Variants in ELMO1 observed in about 807,000 individuals in gnomAD.
ELMO1 encodes engulfment and cell motility 1.
ELMO1 carries 26 observed loss-of-function variants against 98.9 expected under a neutral mutation model. The ratio of observed to expected loss-of-function variants is 0.26; its 90% CI spans 0.19 to 0.36. ELMO1 has a LOEUF of 0.36. ELMO1 is among the 10% of genes least tolerant of loss of function. ELMO1 has a pLI of 1.00. For missense variants in ELMO1, 627 were observed against 935.2 expected, an observed-to-expected ratio of 0.67 and a Z score of 4.30; for synonymous variants, 346 against 346.0, an observed-to-expected ratio of 1.00 and a Z score of 0.00.
intron 21 of ELMO1, among the ~76,000 whole-genome samples, chr7:36,860,707 A>G (rs139342502): frequency 1.9e-3 from 290 of 152,370 alleles, no homozygotes; most frequent in African/African-American, 6.8e-3. Flanking sequence ...AGAACACAGT[A>G]TCTATTTTCA....
chr7:36,961,751 A>G (rs538274882), intron 16 of ELMO1, among the ~76,000 whole-genome samples: 23 of 152,160 alleles, frequency 1.5e-4, no homozygotes, highest in Non-Finnish European at 2.1e-4. Flanking sequence ...ATTCTACTTG[A>G]AAAAAACAGT....
At chr7:36,952,399 C>T (rs1788040956) in intron 16 of ELMO1, among the ~76,000 whole-genome samples, 1 of 152,100 alleles carries the variant, frequency 6.6e-6, no homozygotes, top group Non-Finnish European at 1.5e-5. Context: ...TTAGTAAATG[C>T]CTCCAAGAGC....
intron 1 of ELMO1, among the ~76,000 whole-genome samples, chr7:37,384,472 G>A (rs140470652): frequency 2.2e-4 from 34 of 152,262 alleles, no homozygotes; most frequent in African/African-American, 7.9e-4. Context: ...TGTAATCCCA[G>A]CACTTTGGGA....
intron 13 of ELMO1, among the ~76,000 whole-genome samples, chr7:37,182,465 T>TAA (rs754897749): frequency 9.9e-6 from 1 of 100,536 alleles, no homozygotes; most frequent in Non-Finnish European, 1.9e-5. Flanking sequence ...TGCTCTACTT[T>TAA]TTTTTTTTTT....
intron 15 of ELMO1, among the ~76,000 whole-genome samples, chr7:37,079,431 TGTGG>T (rs1797746069): frequency 5.3e-5 from 8 of 152,352 alleles, no homozygotes; most frequent in Middle Eastern, 3.4e-3. Context: ...GCTTGAAGGC[TGTGG>T]TGATGTCAAA....
At chr7:37,283,867 C>CAT (rs1270152430) in intron 4 of ELMO1, among the ~76,000 whole-genome samples, 1 of 152,226 alleles carries the variant, frequency 6.6e-6, no homozygotes, top group Non-Finnish European at 1.5e-5. Context: ...CCTGTGGTGG[C>CAT]CATGCCCTCT....
At chr7:37,215,992 C>CTT (rs56397617) in intron 11 of ELMO1, among the ~76,000 whole-genome samples, 1 of 145,194 alleles carries the variant, frequency 6.9e-6, no homozygotes, top group Admixed American at 6.8e-5. Flanking sequence ...TCCTCTTTTC[C>CTT]TTTTTTTTTT....
At chr7:37,372,588 TTAA>T (rs1289581842) in intron 1 of ELMO1, among the ~76,000 whole-genome samples, 1 of 152,240 alleles carries the variant, frequency 6.6e-6, no homozygotes, top group Non-Finnish European at 1.5e-5. Context: ...TTATAGCAAT[TTAA>T]TAATGAGTGC....
intron 4 of ELMO1, among the ~76,000 whole-genome samples, chr7:37,288,990 G>A (rs1421033961): frequency 6.6e-6 from 1 of 152,048 alleles, no homozygotes; most frequent in Admixed American, 6.5e-5. Context: ...CTCTTACCTC[G>A]ATCTAAAATT....
chr7:37,134,528 C>T (rs1206336873), intron 13 of ELMO1, among the ~76,000 whole-genome samples: 2 of 144,352 alleles, frequency 1.4e-5, no homozygotes, highest in Non-Finnish European at 3.0e-5. Context: ...CATTGCACTC[C>T]AGCCTGGGCA....
intron 16 of ELMO1, among the ~76,000 whole-genome samples, chr7:36,967,798 C>T (rs1303223489): frequency 6.6e-6 from 1 of 152,126 alleles, no homozygotes. Context: ...ATATCTTCTC[C>T]CTCCACCTCT....
At chr7:37,191,157 C>G (rs1791548233) in intron 13 of ELMO1, among the ~76,000 whole-genome samples, 1 of 143,816 alleles carries the variant, frequency 7.0e-6, no homozygotes, top group Admixed American at 7.3e-5. Context: ...CCACTGCACT[C>G]CAGCCTGGGT....
At chr7:37,215,943 T>C (rs555445468) in intron 11 of ELMO1, among the ~76,000 whole-genome samples, 12 of 152,342 alleles carry the variant, frequency 7.9e-5, no homozygotes, top group African/African-American at 2.9e-4. Context: ...AACTGCTCTT[T>C]GGAATCACGC....
chr7:37,405,832 C>T (rs889839471), intron 1 of ELMO1, among the ~76,000 whole-genome samples: 25 of 152,338 alleles, frequency 1.6e-4, no homozygotes, highest in Admixed American at 7.2e-4. Flanking sequence ...CTGTCCCGCC[C>T]CAGAGGTCAA....
chr7:37,159,323 C>G (rs916413754), intron 13 of ELMO1, among the ~76,000 whole-genome samples: 4 of 151,696 alleles, frequency 2.6e-5, no homozygotes, highest in African/African-American at 9.7e-5. Flanking sequence ...AGGCTTATGG[C>G]TCTAAATTGA....
intron 1 of ELMO1, among the ~76,000 whole-genome samples, chr7:37,430,301 C>T (rs1261142440): frequency 6.6e-6 from 1 of 152,170 alleles, no homozygotes; most frequent in Non-Finnish European, 1.5e-5. Context: ...TACAGCTGTG[C>T]CCACTGCGAC....
At chr7:37,236,593 C>T (rs1440388695) in intron 7 of ELMO1, among the ~76,000 whole-genome samples, 1 of 152,074 alleles carries the variant, frequency 6.6e-6, no homozygotes, top group Non-Finnish European at 1.5e-5. Flanking sequence ...ATAATATATA[C>T]ATATTACATA....
In ELMO1 at chr7:36,969,632, G is replaced by C. The variant is rs368726002; in HGVS notation, c.1437+43667C>G. ...TATATGTGTGTAGTATGTGGTGGGGGTGTGGGGTAGGAGGTGTGTGTGCTG... is the reference window on the plus strand; with the variant it reads ...TATATGTGTGTAGTATGTGGTGGGGCTGTGGGGTAGGAGGTGTGTGTGCTG... On this transcript the variant is annotated intron_variant, in intron 16 of 21. Transcript: ENST00000310758. 4.6e-5 allele frequency among the ~76,000 whole-genome samples: 7 copies of C among 152,268 alleles called. No individual in the cohort carries two copies. The East Asian group carries it at 1.4e-3, about 29-fold the overall frequency.
At chr7:37,194,951 C>T (rs1476024836) in intron 13 of ELMO1, among the ~76,000 whole-genome samples, 1 of 152,198 alleles carries the variant, frequency 6.6e-6, no homozygotes, top group Non-Finnish European at 1.5e-5. Flanking sequence ...CACACACTTA[C>T]CATATGCCTA....
Sources: gnomAD v4.1 joint callset for allele counts (sites outside exome capture counted in the v4.1 genomes callset) on GRCh38, gnomAD v4.1.1 for gene constraint, MANE v1.5 for transcripts, NCBI Gene and HGNC (gene_info 2026-07-23, HGNC 2026-07-21) for gene names.